The following VPS13B variants were observed in gnomAD, a reference collection of about 807,000 sequenced individuals.
The protein encoded by VPS13B is vacuolar protein sorting 13 homolog B.
A neutral mutation model predicts 426.4 loss-of-function variants in VPS13B; 285 were observed. The observed-to-expected ratio is 0.67, with a 90% confidence interval of 0.61 to 0.74. VPS13B has a LOEUF of 0.74. VPS13B is among the 30% of genes least tolerant of loss of function. The probability of loss-of-function intolerance (pLI) is 0.00; values close to 1 mark genes in which losing one functional copy is unlikely to be tolerated. For missense variants in VPS13B, 4,537 were observed against 4,782.6 expected (o/e 0.95, Z 1.51); for synonymous variants, 1,676 against 1,676.4 (o/e 1.00, Z 0.01).
At chr8:99,441,317 C>T (rs1400299648) in intron 22 of VPS13B, among the ~76,000 whole-genome samples, 1 of 152,090 alleles carries the variant, frequency 6.6e-6, no homozygotes, top group African/African-American at 2.4e-5. Context: ...ATCATGTTCT[C>T]ACCAGAATAG....
At chr8:99,275,052 A>T in intron 18 of VPS13B, 29 bp from the exon 19 acceptor site, 1 of 1,545,090 alleles carries the variant, frequency 6.5e-7, no homozygotes, top group Non-Finnish European at 8.7e-7. Flanking sequence ...TTTTATTTTT[A>T]TTATTGTTTT....
intron 33 of VPS13B, among the ~76,000 whole-genome samples, chr8:99,636,000 C>T (rs966101922): frequency 6.6e-6 from 1 of 151,954 alleles, no homozygotes. Context: ...GCACCTTCTC[C>T]ATGGTGGCTA....
Position 99,636,728 on chromosome 8 carries a change from C to T in VPS13B, c.5221-5083C>T, listed in dbSNP as rs34055173. 6.4e-3 allele frequency among the ~76,000 whole-genome samples: 979 copies of T among 152,118 alleles called. 5 individuals carry two copies. Among genetic ancestry groups the T allele is most frequent in the Admixed American group, 0.011 (165 of 15,250 alleles). Reference sequence around the variant, plus strand: ...TAAGTAAAGCATTTTGTCTCAAGTGCTGCCAGTGTGTTTAATATATGCCTG... The same window carrying T: ...TAAGTAAAGCATTTTGTCTCAAGTGTTGCCAGTGTGTTTAATATATGCCTG... On this transcript the variant is annotated intron_variant, in intron 33 of 61. Transcript: ENST00000357162.
At chr8:99,418,615 C>T (rs747339282) in intron 21 of VPS13B, among the ~76,000 whole-genome samples, 7 of 151,682 alleles carry the variant, frequency 4.6e-5, no homozygotes, top group Non-Finnish European at 1.0e-4. Context: ...TTGGTCCCAT[C>T]TCAGCTCACT....
intron 24 of VPS13B, among the ~76,000 whole-genome samples, chr8:99,480,900 T>C (rs1210936585): frequency 6.6e-6 from 1 of 152,194 alleles, no homozygotes. Flanking sequence ...TTTTTCTTCC[T>C]GGGCTTGTTT....
chr8:99,301,138 C>T (rs1427917462), intron 19 of VPS13B, among the ~76,000 whole-genome samples: 4 of 151,826 alleles, frequency 2.6e-5, no homozygotes, highest in Non-Finnish European at 5.9e-5. Flanking sequence ...TCACTTGAGC[C>T]TGAGAGGTCG....
chr8:99,801,164 T>G (rs1211434516), intron 43 of VPS13B, among the ~76,000 whole-genome samples: 2 of 152,128 alleles, frequency 1.3e-5, no homozygotes, highest in Non-Finnish European at 2.9e-5. Context: ...GAGTTCACTT[T>G]CTCTTCACCC....
chr8:99,823,590 C>T (rs1431323280), intron 50 of VPS13B, among the ~76,000 whole-genome samples: 1 of 152,172 alleles, frequency 6.6e-6, no homozygotes, highest in African/African-American at 2.4e-5. Context: ...TTATCTGTCA[C>T]TACAGAACAG....
intron 35 of VPS13B, among the ~76,000 whole-genome samples, chr8:99,680,125 T>G (rs1272422511): frequency 6.6e-6 from 1 of 152,214 alleles, no homozygotes; most frequent in Admixed American, 6.5e-5. Context: ...ACAAAGAAGT[T>G]TTCTTTCATA....
chr8:99,558,456 A>G (rs1588493209), intron 31 of VPS13B, among the ~76,000 whole-genome samples: 1 of 152,262 alleles, frequency 6.6e-6, no homozygotes, highest in Non-Finnish European at 1.5e-5. Context: ...CATGTGCACA[A>G]CGTGCAGGTT....
At chr8:99,392,386 G>A (rs879646913) in intron 21 of VPS13B, among the ~76,000 whole-genome samples, 4 of 151,630 alleles carry the variant, frequency 2.6e-5, no homozygotes, top group Non-Finnish European at 5.9e-5. Context: ...ATTTTATTTT[G>A]TGATTTGTTT....
chr8:99,406,534 G>A (rs1019255299), intron 21 of VPS13B, among the ~76,000 whole-genome samples: 1 of 152,100 alleles, frequency 6.6e-6, no homozygotes, highest in African/African-American at 2.4e-5. Flanking sequence ...AGCAGCTCAT[G>A]GCACAATTTC....
chr8:99,862,108 T>C (rs1651027399), intron 58 of VPS13B, among the ~76,000 whole-genome samples, 162 bp downstream of exon 58: 1 of 152,238 alleles, frequency 6.6e-6, no homozygotes. Context: ...CGCCGGGGGC[T>C]CACCTGCACA....
intron 15 of VPS13B, among the ~76,000 whole-genome samples, chr8:99,161,836 G>T (rs1167693720): frequency 6.6e-6 from 1 of 150,578 alleles, no homozygotes; most frequent in South Asian, 2.1e-4. Context: ...AGGTTCAAGC[G>T]ATTCTCCTGC....
intron 3 of VPS13B, among the ~76,000 whole-genome samples, chr8:99,040,286 C>T (rs193200377): frequency 1.1e-3 from 160 of 152,292 alleles, no homozygotes; most frequent in African/African-American, 3.7e-3. Context: ...CAGATGGCTA[C>T]TGCAGGAATG....
intron 17 of VPS13B, among the ~76,000 whole-genome samples, chr8:99,255,465 A>G (rs1205062028): frequency 6.6e-6 from 1 of 151,800 alleles, no homozygotes; most frequent in Non-Finnish European, 1.5e-5. Context: ...GGATGTTTGG[A>G]TATTGTTTTC....
At chr8:99,224,965 C>T (rs1385800533) in intron 17 of VPS13B, among the ~76,000 whole-genome samples, 2 of 152,082 alleles carry the variant, frequency 1.3e-5, no homozygotes, top group Non-Finnish European at 2.9e-5. Flanking sequence ...TACATGTTGC[C>T]TCTCCAGTTA....
intron 17 of VPS13B, among the ~76,000 whole-genome samples, chr8:99,208,542 T>C (rs1490827177): frequency 1.3e-5 from 2 of 152,192 alleles, no homozygotes; most frequent in African/African-American, 4.8e-5. Flanking sequence ...ATCTTCATAT[T>C]ATATGTAAGA....
intron 35 of VPS13B, among the ~76,000 whole-genome samples, chr8:99,667,208 C>T (rs1358588209): frequency 6.6e-6 from 1 of 152,012 alleles, no homozygotes; most frequent in Non-Finnish European, 1.5e-5. Context: ...TAAAAAGCTC[C>T]CAGATGAAGT....
Sources: allele counts gnomAD v4.1 joint callset (sites outside exome capture counted in the v4.1 genomes callset), GRCh38; gene constraint gnomAD v4.1.1; transcripts MANE v1.5; gene names NCBI Gene and HGNC (gene_info 2026-07-23, HGNC 2026-07-21).